Variants in SLC39A12 observed in about 807,000 individuals in gnomAD.
SLC39A12 encodes the protein zinc transporter ZIP12.
Under a neutral mutation model 71.1 loss-of-function variants are expected in SLC39A12, and 63 were observed. The observed-to-expected ratio is 0.89, with a 90% confidence interval of 0.72 to 1.09. SLC39A12 has a LOEUF of 1.09. Among genes scored for constraint, SLC39A12 ranks in the 50% least tolerant of loss-of-function variants. SLC39A12 has a pLI of 0.00. For synonymous variants in SLC39A12, 351 were observed against 301.3 expected, an observed-to-expected ratio of 1.16 and a Z score of -1.71; for missense variants, 892 against 812.6, an observed-to-expected ratio of 1.10 and a Z score of -1.19.
At chr10:17,977,862 T>A in intron 4 of SLC39A12, 40 bp from the exon 5 acceptor site, 2 of 1,472,894 alleles carry the variant, frequency 1.4e-6, no homozygotes, top group South Asian at 1.5e-5. Flanking sequence ...TCGGAACTTA[T>A]CTATTCTATG....
chr10:17,995,810 ATAT>A, intron 10 of SLC39A12, 88 bp downstream of exon 10: 6 of 1,162,540 alleles, frequency 5.2e-6, no homozygotes, highest in Non-Finnish European at 6.2e-6. Flanking sequence ...AACTATATAG[ATAT>A]CATATTGGGT....
intron 12 of SLC39A12, among the ~76,000 whole-genome samples, chr10:18,006,011 C>T (rs1287620020): frequency 6.6e-6 from 1 of 151,874 alleles, no homozygotes; most frequent in Non-Finnish European, 1.5e-5. Context: ...AGAAAATAGT[C>T]GGTCATTTAA....
intron 12 of SLC39A12, among the ~76,000 whole-genome samples, chr10:18,016,175 CCT>C (rs771977778): frequency 5.3e-5 from 8 of 152,250 alleles, no homozygotes; most frequent in Non-Finnish European, 7.4e-5. Flanking sequence ...CTAAATGTCC[CCT>C]GTGTTTTGCA....
At chr10:17,983,382 G>C (rs961178405) in intron 6 of SLC39A12, among the ~76,000 whole-genome samples, 1 of 151,962 alleles carries the variant, frequency 6.6e-6, no homozygotes, top group African/African-American at 2.4e-5. Context: ...CAGATACTTG[G>C]GGGGCTGAGG....
intron 3 of SLC39A12, among the ~76,000 whole-genome samples, chr10:17,964,833 C>T (rs12359511): frequency 0.31 from 46,991 of 151,932 alleles, 7,615 homozygotes; most frequent in African/African-American, 0.38. Context: ...GCACTTAAAG[C>T]GGGGAGAGAA....
rs147459254 is a variant in SLC39A12 at position 17,953,418 on chromosome 10, C to T, written c.142C>T (p.Gln48Ter). 10 of 1,614,092 alleles carry T rather than the reference C, an allele frequency of 6.2e-6. No individual in the cohort carries two copies. The highest frequency in any genetic ancestry group is 8.5e-6 in the Non-Finnish European group (10 of 1,180,062). Reference protein sequence around the residue: ...GSSGQPADLLQVLSAGDHPPH... With the variant: ...GSSGQPADLL ...TTCAGGCCAACCGGCAGACCTGCTA[C>T]AGGTTCTCTCTGCTGGTGACCACCC... Residue 48 changes from glutamine (Q) to a stop codon, truncating the protein, a stop_gained, in exon 2 of 13, where the codon CAG (glutamine) becomes TAG (stop). Transcript: ENST00000377369. LOFTEE classifies it high-confidence loss of function.
intron 3 of SLC39A12, 136 bp downstream of exon 3, chr10:17,961,998 T>G (rs1834704053): frequency 1.2e-6 from 1 of 867,438 alleles, no homozygotes. Context: ...GGTTATGAGA[T>G]GTTAAATGAC....
intron 12 of SLC39A12, among the ~76,000 whole-genome samples, chr10:18,036,356 C>T (rs182870132): frequency 7.2e-4 from 110 of 152,236 alleles, no homozygotes; most frequent in African/African-American, 2.4e-3. Flanking sequence ...CGTGGTGCGC[C>T]GTTTTTTTAA....
At position 17,965,650 on chromosome 10, in the gene SLC39A12, T is replaced by A. The variant is rs573085556; in HGVS notation, c.711T>A (p.Ile237=). Residue 237 remains isoleucine (I), a synonymous_variant, in exon 4 of 13, where the codon ATT becomes ATA. Transcript: ENST00000377369. ...LPSPDYFTEY[I]FSSLNRTNTL... ...CCCCAGACTACTTTACAGAATATAT[T>A]TTCAGTTCCTTGAATCGTACGAATA... 6.2e-7 allele frequency: 1 copy of A among 1,614,126 alleles called. No homozygotes were observed. Among genetic ancestry groups the A allele is most frequent in the African/African-American group, 1.3e-5 (1 of 75,046 alleles).
chr10:17,968,315 C>T (rs575357788), intron 4 of SLC39A12, among the ~76,000 whole-genome samples: 2 of 152,136 alleles, frequency 1.3e-5, no homozygotes, highest in East Asian at 3.9e-4. Context: ...ATGTTTCTGA[C>T]TTTGAAAGAG....
chr10:17,969,155 T>C (rs1834906494), intron 4 of SLC39A12, among the ~76,000 whole-genome samples: 1 of 152,256 alleles, frequency 6.6e-6, no homozygotes, highest in Non-Finnish European at 1.5e-5. Flanking sequence ...TATTCCATTG[T>C]GTATATGTAC....
In SLC39A12 at chr10:17,987,501, T is replaced by A. The variant is rs773710553; in HGVS notation, c.1119T>A (p.Ala373=). The A allele has an allele frequency of 2.5e-6, 4 of 1,613,966 alleles. No individual in the cohort carries two copies. Among genetic ancestry groups the A allele is most frequent in the Admixed American group, 1.7e-5 (1 of 60,008 alleles). Residue 373 remains alanine, a synonymous_variant, in exon 7 of 13, where the codon GCT becomes GCA. Transcript: ENST00000377369. The stretch of plus-strand genomic sequence containing the variant: ...TAGAATACGGCTACAGCACGGTGGC[T>A]GTCACCCTTCTCACACTGGGCTCCA... ...TLEKYGYSTV[A]VTLLTLGSML...
intron 2 of SLC39A12, among the ~76,000 whole-genome samples, chr10:17,956,426 T>A (rs1453199833): frequency 6.8e-6 from 1 of 147,136 alleles, no homozygotes; most frequent in African/African-American, 2.7e-5. Context: ...ATATACATGT[T>A]CTCCTTAGGA....
At chr10:17,984,934 T>C (rs960446653) in intron 6 of SLC39A12, among the ~76,000 whole-genome samples, 11 of 152,232 alleles carry the variant, frequency 7.2e-5, no homozygotes, top group Admixed American at 2.6e-4. Context: ...TTTTGCCTCT[T>C]CTGAGTATAC....
At chr10:17,987,794 T>C in intron 7 of SLC39A12, 143 bp downstream of exon 7, 1 of 820,212 alleles carries the variant, frequency 1.2e-6, no homozygotes, top group Non-Finnish European at 1.9e-6. Context: ...AAATATTATT[T>C]CCCCAAGGCC....
chr10:18,007,255 T>G (rs1202565968), intron 12 of SLC39A12: 2 of 152,210 alleles, frequency 1.3e-5, no homozygotes, highest in Non-Finnish European at 2.9e-5. Flanking sequence ...AGGGGCAACT[T>G]AGGTCTTCAA....
chr10:17,979,136 A>G (rs550850549), intron 5 of SLC39A12, among the ~76,000 whole-genome samples: 1 of 152,356 alleles, frequency 6.6e-6, no homozygotes, highest in South Asian at 2.1e-4. Flanking sequence ...AGGAAGGAAT[A>G]AAGATGTTTT....
chr10:17,953,199 T>C lies in SLC39A12; in HGVS notation c.-78T>C, dbSNP rs1310324148. On this transcript the variant is annotated 5_prime_UTR_variant, in exon 2 of 13. Transcript: ENST00000377369. ...TTTCCCCTTTACCACAGAAATTCCT[T>C]TGGTTACAAGTTTACCCCATAAACG... 2.7e-6 allele frequency: 4 copies of C among 1,505,332 alleles called. No homozygotes were observed. In the East Asian group the frequency reaches 9.1e-5, roughly 34 times the overall value. The allele number at this position is 1,505,332 out of a possible 1,614,324, so 93.2% of individuals were successfully genotyped here.
In SLC39A12 at chr10:17,961,784, T is replaced by G. The variant is rs200500691; in HGVS notation, c.465T>G (p.Asp155Glu). ...HSLLSLRQDE[D>E]SSFLSQNETE... ...TACTGAGCCTCAGGCAGGATGAAGATTCCTCTTTCCTTTCACAGAATGAGA... is the reference window on the plus strand; with the variant it reads ...TACTGAGCCTCAGGCAGGATGAAGAGTCCTCTTTCCTTTCACAGAATGAGA... Residue 155 changes from aspartate to glutamate, a missense_variant, in exon 3 of 13, where the codon GAT becomes GAG. Coordinates refer to ENST00000377369, the MANE Select transcript of SLC39A12 (RefSeq NM_001145195.2). 37 of 1,614,028 alleles carry G rather than the reference T, an allele frequency of 2.3e-5. No homozygotes were observed. In the South Asian group the frequency reaches 3.5e-4, roughly 15 times the overall value.
Sources: gnomAD v4.1 joint callset for allele counts (sites outside exome capture counted in the v4.1 genomes callset) on GRCh38, gnomAD v4.1.1 for gene constraint, MANE v1.5 for transcripts, NCBI Gene and HGNC (gene_info 2026-07-23, HGNC 2026-07-21) for gene names.